Variants in NTM observed in about 807,000 individuals in gnomAD.
NTM encodes neurotrimin, also known as IgLON family member 2.
A neutral mutation model predicts 42.1 loss-of-function variants in NTM; 13 were observed. That is an observed-to-expected ratio of 0.31 (90% CI 0.20 to 0.49). The LOEUF is 0.49. NTM is among the 20% of genes least tolerant of loss of function. The probability of loss-of-function intolerance (pLI) is 0.99; values close to 1 mark genes in which losing one functional copy is unlikely to be tolerated. For synonymous variants in NTM, 187 were observed against 179.2 expected (o/e 1.04, Z -0.35); for missense variants, 373 against 452.8 (o/e 0.82, Z 1.60).
intron 3 of NTM, among the ~76,000 whole-genome samples, chr11:132,168,004 C>T (rs751156833): frequency 5.9e-5 from 9 of 152,114 alleles, no homozygotes; most frequent in Admixed American, 2.0e-4. Context: ...AATGAAATTC[C>T]GTTTTCCTGC....
intron 1 of NTM, among the ~76,000 whole-genome samples, chr11:131,857,825 C>A (rs541443077): frequency 1.3e-5 from 2 of 152,314 alleles, no homozygotes; most frequent in South Asian, 4.1e-4. Context: ...ATCATCCTCC[C>A]TGCACCCTCC....
chr11:132,021,610 C>G (rs2074347990), intron 2 of NTM, among the ~76,000 whole-genome samples: 1 of 152,174 alleles, frequency 6.6e-6, no homozygotes, highest in Non-Finnish European at 1.5e-5. Context: ...TATGCATGAA[C>G]AGTCACTAAT....
chr11:131,774,233 C>T (rs1194116123), intron 1 of NTM: 1 of 406,378 alleles, frequency 2.5e-6, no homozygotes, highest in Admixed American at 6.4e-5. Flanking sequence ...GATTTTTGCC[C>T]CTTACAACCT....
At chr11:131,470,242 G>A (rs1164118483) in intron 1 of NTM, among the ~76,000 whole-genome samples, 1 of 152,204 alleles carries the variant, frequency 6.6e-6, no homozygotes, top group African/African-American at 2.4e-5. Context: ...TAATCCATAT[G>A]TACCGCTTCC....
intron 4 of NTM, among the ~76,000 whole-genome samples, chr11:132,232,041 T>C (rs1211993281): frequency 6.6e-6 from 1 of 152,202 alleles, no homozygotes; most frequent in Non-Finnish European, 1.5e-5. Context: ...CAGCAGTGTC[T>C]CTTTCCAGAT....
chr11:131,579,415 T>C (rs2058202933), intron 1 of NTM, among the ~76,000 whole-genome samples: 1 of 152,244 alleles, frequency 6.6e-6, no homozygotes, highest in Non-Finnish European at 1.5e-5. Flanking sequence ...TCTGCATTAC[T>C]GTAAACCAGT....
rs375183119 is a variant in NTM at position 132,190,600 on chromosome 11, G to A, written c.401-21422G>A. On this transcript the variant is annotated intron_variant, in intron 3 of 8. Coordinates refer to ENST00000683400, the MANE Select transcript of NTM (RefSeq NM_001352005.2). ...AAACCTACAAAAATTAGCTGGCCGC[G>A]GTGGCAGGCTCCTATAATCCCAGCT... 1.6e-4 allele frequency among the ~76,000 whole-genome samples: 25 copies of A among 152,110 alleles called. 1 individual carries two copies. Among genetic ancestry groups the A allele is most frequent in the African/African-American group, 4.6e-4 (19 of 41,490 alleles).
At chr11:132,052,483 C>G (rs529426608) in intron 2 of NTM, among the ~76,000 whole-genome samples, 1 of 152,260 alleles carries the variant, frequency 6.6e-6, no homozygotes, top group Admixed American at 6.5e-5. Flanking sequence ...CTCTGCCATG[C>G]TTATCAGGGC....
chr11:132,210,201 G>T (rs1187531473), intron 3 of NTM, among the ~76,000 whole-genome samples: 1 of 152,174 alleles, frequency 6.6e-6, no homozygotes, highest in Non-Finnish European at 1.5e-5. Flanking sequence ...CAGCATGGTG[G>T]CTCTGAGGAA....
intron 4 of NTM, among the ~76,000 whole-genome samples, chr11:132,259,937 C>G (rs927678336): frequency 6.6e-6 from 1 of 151,874 alleles, no homozygotes; most frequent in South Asian, 2.1e-4. Context: ...TTTGTAGAGA[C>G]GGGGTTTCAC....
intron 2 of NTM, among the ~76,000 whole-genome samples, chr11:131,992,369 C>T (rs1229097552): frequency 6.6e-6 from 1 of 151,854 alleles, no homozygotes; most frequent in East Asian, 1.9e-4. Flanking sequence ...CAACAATTGG[C>T]TGTAATAATT....
At chr11:132,008,666 A>G (rs1314304507) in intron 2 of NTM, among the ~76,000 whole-genome samples, 1 of 152,008 alleles carries the variant, frequency 6.6e-6, no homozygotes, top group Admixed American at 6.6e-5. Flanking sequence ...TTTCCCCCTG[A>G]AAACATGTCT....
intron 3 of NTM, among the ~76,000 whole-genome samples, chr11:132,205,935 G>A (rs2081929349): frequency 6.6e-6 from 1 of 152,060 alleles, no homozygotes; most frequent in Admixed American, 6.5e-5. Flanking sequence ...GTTCCCCCTA[G>A]AAGGTCTAGG....
chr11:132,160,488 C>G (rs1389985742), intron 3 of NTM, among the ~76,000 whole-genome samples: 1 of 152,210 alleles, frequency 6.6e-6, no homozygotes, highest in African/African-American at 2.4e-5. Flanking sequence ...TAGCAATCAT[C>G]TTTTCTTCCT....
chr11:132,291,046 T>A (rs1177012533), intron 4 of NTM, among the ~76,000 whole-genome samples: 1 of 152,206 alleles, frequency 6.6e-6, no homozygotes, highest in Non-Finnish European at 1.5e-5. Flanking sequence ...TAGGAATTTA[T>A]GCTGTGTTTG....
intron 2 of NTM, among the ~76,000 whole-genome samples, chr11:131,948,646 A>G (rs2060640026): frequency 6.6e-6 from 1 of 152,166 alleles, no homozygotes; most frequent in African/African-American, 2.4e-5. Flanking sequence ...CTGCCTGGAA[A>G]GGCCATCCTC....
Position 132,156,678 on chromosome 11 carries a change from A to G in NTM, c.400+10164A>G, listed in dbSNP as rs1283963545. Among the ~76,000 whole-genome samples the G allele has an allele frequency of 2.0e-5, 3 of 147,054 alleles. No homozygotes were observed. In the East Asian group the frequency reaches 5.8e-4, roughly 28 times the overall value. On this transcript the variant is annotated intron_variant, in intron 3 of 8. Coordinates refer to ENST00000683400, the MANE Select transcript of NTM (RefSeq NM_001352005.2). ...TTTTATTGTATTATAATTATTAAAC[A>G]AAATGATTCATTTTTTTTTCATTAC...
chr11:131,763,724 T>TTTTTTTTTTTTTTTTTTTTTTTTG, intron 1 of NTM, among the ~76,000 whole-genome samples: 1 of 146,108 alleles, frequency 6.8e-6, no homozygotes, highest in East Asian at 2.0e-4. Flanking sequence ...TTTTTTTTTT[T>TTTTTTTTTTTTTTTTTTTTTTTTG]TTTTTTTTTT....
At chr11:132,099,627 T>C (rs568657936) in intron 2 of NTM, among the ~76,000 whole-genome samples, 1 of 152,280 alleles carries the variant, frequency 6.6e-6, no homozygotes, top group South Asian at 2.1e-4. Context: ...CTCCCAGTGG[T>C]TCTGTTCCCT....
Sources: allele counts gnomAD v4.1 joint callset (sites outside exome capture counted in the v4.1 genomes callset), GRCh38; gene constraint gnomAD v4.1.1; transcripts MANE v1.5; gene names NCBI Gene and HGNC (gene_info 2026-07-23, HGNC 2026-07-21).